STAU2: variants seen among roughly 807,000 people sequenced by gnomAD.
The protein encoded by STAU2 is staufen double-stranded RNA binding protein 2, also known as double-stranded RNA-binding protein Staufen homolog 2.
Under a neutral mutation model 65.9 loss-of-function variants are expected in STAU2, and 20 were observed. That is an observed-to-expected ratio of 0.30 (90% confidence interval 0.21 to 0.44). The LOEUF is 0.44. Ranked by LOEUF, STAU2 falls within the 20% of genes least tolerant of loss-of-function variation. The pLI, the probability that STAU2 is intolerant of heterozygous loss-of-function variation, is 1.00. For missense variants in STAU2, 558 were observed against 683.9 expected (o/e 0.82, Z 2.05); for synonymous variants, 232 against 233.9 (o/e 0.99, Z 0.07).
At chr8:73,629,729 T>C (rs1813952123) in intron 6 of STAU2, among the ~76,000 whole-genome samples, 1 of 152,164 alleles carries the variant, frequency 6.6e-6, no homozygotes, top group African/African-American at 2.4e-5. Flanking sequence ...ACTGGAATTA[T>C]ACAGATGCTC....
intron 6 of STAU2, among the ~76,000 whole-genome samples, chr8:73,661,426 C>CA (rs1353780644): frequency 1.3e-5 from 2 of 152,086 alleles, no homozygotes; most frequent in African/African-American, 4.8e-5. Flanking sequence ...TGGAGGATTA[C>CA]AAAATGTTAT....
chr8:73,626,209 T>G (rs1348292221), intron 6 of STAU2, among the ~76,000 whole-genome samples: 1 of 151,944 alleles, frequency 6.6e-6, no homozygotes, highest in African/African-American at 2.4e-5. Flanking sequence ...GAACACAGAT[T>G]TGAATAAAGT....
chr8:73,522,414 C>A (rs771847306), intron 13 of STAU2, among the ~76,000 whole-genome samples: 1 of 152,154 alleles, frequency 6.6e-6, no homozygotes, highest in East Asian at 1.9e-4. Flanking sequence ...CTAACCAATA[C>A]AACCAACTTC....
intron 3 of STAU2, among the ~76,000 whole-genome samples, chr8:73,720,755 A>G (rs1294387083): frequency 2.7e-5 from 2 of 74,468 alleles, no homozygotes; most frequent in Non-Finnish European, 5.2e-5. Context: ...CTCATGATCC[A>G]CCCGCCTCGG....
chr8:73,474,857 C>T (rs1820232074), intron 13 of STAU2, among the ~76,000 whole-genome samples: 1 of 152,090 alleles, frequency 6.6e-6, no homozygotes, highest in African/African-American at 2.4e-5. Context: ...GTGTACGTCA[C>T]AATATTATTC....
intron 13 of STAU2, among the ~76,000 whole-genome samples, chr8:73,506,829 C>T (rs1285007464): frequency 1.3e-5 from 2 of 152,130 alleles, no homozygotes; most frequent in Non-Finnish European, 1.5e-5. Flanking sequence ...GTTTTATAAA[C>T]AAAGTTTGTG....
intron 10 of STAU2, among the ~76,000 whole-genome samples, chr8:73,598,201 T>C (rs1811341677): frequency 6.6e-6 from 1 of 151,882 alleles, no homozygotes; most frequent in Non-Finnish European, 1.5e-5. Context: ...ATGAAAATTA[T>C]TAGCAAACTA....
intron 10 of STAU2, among the ~76,000 whole-genome samples, chr8:73,600,252 T>A (rs189176663): frequency 8.5e-4 from 130 of 152,358 alleles, no homozygotes; most frequent in African/African-American, 3.1e-3. Flanking sequence ...ATACAGCACA[T>A]GAAACGCTGA....
intron 12 of STAU2, among the ~76,000 whole-genome samples, chr8:73,565,397 A>C (rs1178550363): frequency 1.3e-5 from 2 of 152,136 alleles, no homozygotes; most frequent in Non-Finnish European, 2.9e-5. Context: ...CAGAAGCAAA[A>C]TCCTGAACAG....
chr8:73,628,946 C>G (rs979627400), intron 6 of STAU2, among the ~76,000 whole-genome samples: 3 of 152,210 alleles, frequency 2.0e-5, no homozygotes, highest in Non-Finnish European at 4.4e-5. Context: ...GCCCACTTCA[C>G]ATACTCCCAA....
Position 73,421,556 on chromosome 8 carries a change from G to A in STAU2, c.1620-91C>T, listed in dbSNP as rs956637982. ...AGCAGATGGCACAGAGGATTCAAAG[G>A]TCACCACAAAAGTGACATTTTAAAG... On this transcript the variant is annotated intron_variant, in intron 14 of 14. Coordinates refer to ENST00000524300, the MANE Select transcript of STAU2 (RefSeq NM_001164380.2). The A allele has an allele frequency of 1.2e-5, 15 of 1,224,066 alleles. 1 individual carries two copies. In the African/African-American group the frequency reaches 1.4e-4, roughly 11 times the overall value. 75.8% of individuals were successfully genotyped at this position (1,224,066 alleles called of 1,614,324 possible).
At chr8:73,603,110 A>C (rs1446648960) in intron 10 of STAU2, among the ~76,000 whole-genome samples, 1 of 152,170 alleles carries the variant, frequency 6.6e-6, no homozygotes, top group Non-Finnish European at 1.5e-5. Context: ...TTAAGACTGG[A>C]GTTTGAGCTG....
intron 11 of STAU2, chr8:73,590,761 T>C (rs1053909729): frequency 6.5e-6 from 1 of 152,740 alleles, no homozygotes; most frequent in Admixed American, 6.5e-5. Flanking sequence ...CTGCTCAAAG[T>C]CTCCAAGGAC....
Position 73,602,235 on chromosome 8 carries a change from G to T in STAU2, c.1029+1491C>A, listed in dbSNP as rs532125673. Among the ~76,000 whole-genome samples the T allele has an allele frequency of 5.2e-4, 79 of 152,270 alleles. No individual in the cohort carries two copies. The Middle Eastern group carries it at 0.037, about 72-fold the overall frequency. ...TAAAGAAACATGGAGATTATAAATT[G>T]GGAGGGAAGGCACAACTTAGCTATA... is the stretch of plus-strand genomic sequence containing the variant. On this transcript the variant is annotated intron_variant, in intron 10 of 14. Transcript: ENST00000524300.
chr8:73,548,072 C>T (rs1392928097), intron 13 of STAU2, among the ~76,000 whole-genome samples: 2 of 151,942 alleles, frequency 1.3e-5, no homozygotes, highest in African/African-American at 2.4e-5. Flanking sequence ...CTTGAGCGTC[C>T]ATGAACTTTG....
chr8:73,534,860 T>C (rs1806079031), intron 13 of STAU2, among the ~76,000 whole-genome samples: 1 of 152,220 alleles, frequency 6.6e-6, no homozygotes, highest in South Asian at 2.1e-4. Context: ...GCAATATGCT[T>C]GTCACATTAA....
chr8:73,513,878 T>A (rs550678378), intron 13 of STAU2, among the ~76,000 whole-genome samples: 1 of 152,186 alleles, frequency 6.6e-6, no homozygotes, highest in African/African-American at 2.4e-5. Flanking sequence ...TGTAGAACTA[T>A]TGTGCTGAGT....
chr8:73,693,052 T>C (rs1819447238), intron 4 of STAU2, among the ~76,000 whole-genome samples: 1 of 151,930 alleles, frequency 6.6e-6, no homozygotes, highest in African/African-American at 2.4e-5. Context: ...TCCCAGCTAC[T>C]GAGGAAGCTG....
rs115606145 is a variant in STAU2, at chr8:73,660,167, A to G, written c.410+12940T>C. Among the ~76,000 whole-genome samples the G allele has an allele frequency of 6.6e-3, 1,007 of 152,220 alleles. 20 individuals are homozygous for G. The highest frequency in any genetic ancestry group is 0.023 in the African/African-American group (958 of 41,530). The stretch of plus-strand genomic sequence containing the variant: ...ATGAAAAATGTTAAACTTGTGTGAC[A>G]TATCCTGTAATCCCAGCACTTTGGG... On this transcript the variant is annotated intron_variant, in intron 6 of 14. Coordinates refer to ENST00000524300, the MANE Select transcript of STAU2 (RefSeq NM_001164380.2).
Sources: gnomAD v4.1 joint callset for allele counts (sites outside exome capture counted in the v4.1 genomes callset) on GRCh38, gnomAD v4.1.1 for gene constraint, MANE v1.5 for transcripts, NCBI Gene and HGNC (gene_info 2026-07-23, HGNC 2026-07-21) for gene names.